The following ARFGEF2 variants were observed in gnomAD, a reference collection of about 807,000 sequenced individuals.
The protein encoded by ARFGEF2 is brefeldin A-inhibited guanine nucleotide-exchange protein 2.
ARFGEF2 carries 74 observed loss-of-function variants against 219.9 expected under a neutral mutation model. That is an observed-to-expected ratio of 0.34 (90% CI 0.28 to 0.41). The LOEUF (loss-of-function observed/expected upper bound fraction) is 0.41. ARFGEF2 is among the 10% of genes least tolerant of loss of function. The pLI, the probability that ARFGEF2 is intolerant of heterozygous loss-of-function variation, is 1.00. For missense variants in ARFGEF2, 1,743 were observed against 2,218.3 expected, an observed-to-expected ratio of 0.79 and a Z score of 4.30; for synonymous variants, 733 against 799.2, an observed-to-expected ratio of 0.92 and a Z score of 1.40.
At chr20:48,957,868 G>C (rs1345440242) in intron 6 of ARFGEF2, among the ~76,000 whole-genome samples, 3 of 152,112 alleles carry the variant, frequency 2.0e-5, no homozygotes, top group Non-Finnish European at 4.4e-5. Context: ...TTTTGCATAA[G>C]TACTATTATG....
Position 49,033,315 on chromosome 20 carries a change from T to G in ARFGEF2, c.*116T>G. On this transcript the variant is annotated 3_prime_UTR_variant, in exon 39 of 39. Coordinates refer to ENST00000371917, the MANE Select transcript of ARFGEF2 (RefSeq NM_006420.3). ...GGAGTTGGCATCTTGGATCTCAGAA[T>G]GGCCTGGAAACGGATGGCCTCTACG... 2 of 1,226,362 alleles carry G rather than the reference T, an allele frequency of 1.6e-6. No individual in the cohort carries two copies. The highest frequency in any genetic ancestry group is 2.3e-6 in the Non-Finnish European group (2 of 855,762). 76.0% of individuals were successfully genotyped at this position (1,226,362 alleles called of 1,614,324 possible). A position where few individuals can be genotyped will look rare whatever the true frequency, so the allele number is the denominator to read the frequency against.
intron 34 of ARFGEF2, among the ~76,000 whole-genome samples, chr20:49,019,586 T>C (rs1431876140): frequency 6.6e-6 from 1 of 152,236 alleles, no homozygotes; most frequent in Non-Finnish European, 1.5e-5. Context: ...TGTAATAAAT[T>C]CCTAAAAATG....
rs139938366 is a variant in ARFGEF2 at position 48,985,383 on chromosome 20, A to T, written c.2071-25A>T. ...AGGGTTCGTATTTGACAATTTCTGG[A>T]TATAAGTGAGTGTGTATGTTTCAGA... On this transcript the variant is annotated intron_variant, in intron 15 of 38. Coordinates refer to ENST00000371917, the MANE Select transcript of ARFGEF2 (RefSeq NM_006420.3). The T allele has an allele frequency of 8.5e-4, 1,372 of 1,613,072 alleles. 21 individuals carry two copies. The East Asian group carries it at 0.027, about 32-fold the overall frequency.
Position 48,963,756 on chromosome 20 carries a change from TCTC to T in ARFGEF2, c.839-71_839-69del, listed in dbSNP as rs2091169235. The T allele has an allele frequency of 1.4e-5, 21 of 1,455,492 alleles. No homozygotes were observed. The Admixed American group carries it at 2.1e-4, about 15-fold the overall frequency. 90.2% of individuals were successfully genotyped at this position (1,455,492 alleles called of 1,614,324 possible). A position where few individuals can be genotyped will look rare whatever the true frequency, so the allele number is the denominator to read the frequency against. On this transcript the variant is annotated intron_variant, in intron 6 of 38. Coordinates refer to ENST00000371917, the MANE Select transcript of ARFGEF2 (RefSeq NM_006420.3). ...CCTTCTGAAATGTAACTCCCCATAA[TCTC>T]CTTTTCCTCTCTTCCTTTGTTTTTC...
intron 25 of ARFGEF2, among the ~76,000 whole-genome samples, chr20:49,002,964 CTTTTTTT>C (rs558842301): frequency 8.9e-6 from 1 of 112,672 alleles, no homozygotes; most frequent in South Asian, 3.0e-4. Context: ...ATTTTTTTAA[CTTTTTTT>C]TTTTTTTTTT....
rs559302682 is a variant in ARFGEF2 at position 48,961,468 on chromosome 20, A to G, written c.839-2362A>G. On this transcript the variant is annotated intron_variant, in intron 6 of 38. Transcript: ENST00000371917. ...AACACACATGAAGTTGGTATCTCCT[A>G]TAATAACAATACTTTCTTCCGGAAT... Among the ~76,000 whole-genome samples the G allele has an allele frequency of 7.9e-5, 12 of 151,216 alleles. No homozygotes were observed. The Admixed American group carries it at 8.0e-4, about 10-fold the overall frequency.
At chr20:49,011,828 T>G (rs2091500278) in intron 27 of ARFGEF2, 96 bp from the exon 28 acceptor site, 2 of 1,284,164 alleles carry the variant, frequency 1.6e-6, no homozygotes, top group Non-Finnish European at 2.3e-6. Flanking sequence ...TTATCTCTGA[T>G]GTATGTGTGT....
At chr20:49,010,500 C>A in intron 27 of ARFGEF2, 96 bp downstream of exon 27, 2 of 1,427,850 alleles carry the variant, frequency 1.4e-6, no homozygotes, top group Non-Finnish European at 1.9e-6. Flanking sequence ...GGCTTCCCTA[C>A]CTTGGCTCTA....
intron 1 of ARFGEF2, among the ~76,000 whole-genome samples, chr20:48,935,532 T>A (rs2090942664): frequency 6.6e-6 from 1 of 152,180 alleles, no homozygotes; most frequent in South Asian, 2.1e-4. Flanking sequence ...TTTCTCAATC[T>A]TTTCCCCACC....
At chr20:48,998,101 A>G in intron 23 of ARFGEF2, 92 bp from the exon 24 acceptor site, 1 of 1,158,708 alleles carries the variant, frequency 8.6e-7, no homozygotes, top group Non-Finnish European at 1.3e-6. Flanking sequence ...CTCAAGTGAT[A>G]CACCCTCCTC....
At chr20:48,997,306 T>G (rs889055331) in intron 23 of ARFGEF2, among the ~76,000 whole-genome samples, 10 of 148,948 alleles carry the variant, frequency 6.7e-5, no homozygotes, top group African/African-American at 1.2e-4. Context: ...ACAGTCTCGC[T>G]CTATCACCCA....
In ARFGEF2 at chr20:48,953,810, G is replaced by A; in HGVS notation, c.838+20G>A. On this transcript the variant is annotated intron_variant, in intron 6 of 38. Coordinates refer to ENST00000371917, the MANE Select transcript of ARFGEF2 (RefSeq NM_006420.3). ...TGTCAGGTACGGGCTGATACGGTAT[G>A]GCTCTTTTTCCAAGTGTGAGAGGGA... The A allele has an allele frequency of 6.2e-7, 1 of 1,608,634 alleles. No homozygotes were observed. Among genetic ancestry groups the A allele is most frequent in the Non-Finnish European group, 8.5e-7 (1 of 1,176,188 alleles).
At chr20:48,983,144 T>C (rs1231099192) in intron 14 of ARFGEF2, among the ~76,000 whole-genome samples, 1 of 152,188 alleles carries the variant, frequency 6.6e-6, no homozygotes, top group Non-Finnish European at 1.5e-5. Context: ...ATCTTACTTG[T>C]TTTATTTACG....
intron 13 of ARFGEF2, among the ~76,000 whole-genome samples, chr20:48,975,207 A>T (rs1053162186): frequency 6.6e-6 from 1 of 152,142 alleles, no homozygotes; most frequent in Non-Finnish European, 1.5e-5. Flanking sequence ...TTAAAGAGAC[A>T]GAGTCTGTTT....
chr20:49,025,611 G>A (rs1219483876), intron 36 of ARFGEF2, 130 bp downstream of exon 36: 8 of 1,019,372 alleles, frequency 7.8e-6, no homozygotes, highest in Non-Finnish European at 1.0e-5. Flanking sequence ...TGCTTGAGGG[G>A]GAGAGAAGGG....
In ARFGEF2 at chr20:48,984,629, A is replaced by C. The variant is rs912841042; in HGVS notation, c.1959-100A>C. 4.8e-6 allele frequency: 7 copies of C among 1,445,734 alleles called. No individual in the cohort carries two copies. The African/African-American group carries it at 8.4e-5, about 17-fold the overall frequency. 89.6% of individuals were successfully genotyped at this position (1,445,734 alleles called of 1,614,324 possible). ...ACCTTGCTAGCTTATACGTGATGGC[A>C]TGTTCATAGTATTCTATTATTATTT... On this transcript the variant is annotated intron_variant, in intron 14 of 38. Transcript: ENST00000371917.
Position 49,000,050 on chromosome 20 carries a change from G to A in ARFGEF2, c.3432+1545G>A, listed in dbSNP as rs1320110103. Among the ~76,000 whole-genome samples the A allele has an allele frequency of 7.2e-5, 11 of 152,300 alleles. No homozygotes were observed. The South Asian group carries it at 2.1e-3, about 29-fold the overall frequency. On this transcript the variant is annotated intron_variant, in intron 25 of 38. Transcript: ENST00000371917. ...ATTTGTAGCATCTGCCAGTTTCTGTGTGTAAACACCCTGCCACAGCCAATT... is the reference window on the plus strand; with the variant it reads ...ATTTGTAGCATCTGCCAGTTTCTGTATGTAAACACCCTGCCACAGCCAATT...
rs143717062 is a variant in ARFGEF2 at position 48,976,126 on chromosome 20, A to G, written c.1885A>G (p.Thr629Ala). ...CACAGTGTCCTCGGGGACCCAGACA[A>G]CTGTTCAGGATGACCCTGAGCAATT... Reference protein sequence around the residue: ...ESTVSSGTQTTVQDDPEQFEV... With the variant: ...ESTVSSGTQTAVQDDPEQFEV... Residue 629 changes from threonine (T) to alanine (A), a missense_variant, in exon 14 of 39, where the codon ACT becomes GCT. Coordinates refer to ENST00000371917, the MANE Select transcript of ARFGEF2 (RefSeq NM_006420.3). 27 of 1,613,810 alleles carry G rather than the reference A, an allele frequency of 1.7e-5. No individual in the cohort carries two copies. The highest frequency in any genetic ancestry group is 2.2e-5 in the Non-Finnish European group (26 of 1,180,044).
chr20:48,948,292 A>G (rs775330953), intron 3 of ARFGEF2, among the ~76,000 whole-genome samples: 8 of 152,234 alleles, frequency 5.3e-5, no homozygotes, highest in Non-Finnish European at 1.2e-4. Flanking sequence ...CACCGTTATC[A>G]GGCTCTAGCT....
Sources: allele counts gnomAD v4.1 joint callset (sites outside exome capture counted in the v4.1 genomes callset), GRCh38; gene constraint gnomAD v4.1.1; transcripts MANE v1.5; gene names NCBI Gene and HGNC (gene_info 2026-07-23, HGNC 2026-07-21).